Variants in MKX observed in about 807,000 individuals in gnomAD.
MKX encodes mohawk homeobox.
In MKX, 13 loss-of-function variants were observed where a neutral mutation model predicts 36.0. The observed-to-expected ratio is 0.36, with a 90% CI of 0.24 to 0.57. The LOEUF is 0.57. MKX is among the 20% of genes least tolerant of loss of function. The pLI, the probability that MKX is intolerant of heterozygous loss-of-function variation, is 0.79. For synonymous variants in MKX, 176 were observed against 178.3 expected (o/e 0.99, Z 0.10); for missense variants, 458 against 456.4 (o/e 1.00, Z -0.03).
chr10:27,725,702 C>A (rs1834473373), intron 5 of MKX, among the ~76,000 whole-genome samples: 1 of 151,274 alleles, frequency 6.6e-6, no homozygotes, highest in Non-Finnish European at 1.5e-5. Flanking sequence ...AGAAAAGAAA[C>A]CACTTCCATA....
chr10:27,739,682 A>T (rs941222898), intron 3 of MKX, among the ~76,000 whole-genome samples: 2 of 152,282 alleles, frequency 1.3e-5, no homozygotes, highest in East Asian at 1.9e-4. Context: ...TTCATAATTT[A>T]AAAATGTCCT....
intron 5 of MKX, among the ~76,000 whole-genome samples, chr10:27,727,068 C>T (rs935354796): frequency 1.3e-5 from 2 of 152,248 alleles, no homozygotes; most frequent in South Asian, 2.1e-4. Context: ...GACTGCATTT[C>T]GGAAAACAAT....
chr10:27,726,385 C>T (rs1276206871), intron 5 of MKX, among the ~76,000 whole-genome samples: 2 of 152,086 alleles, frequency 1.3e-5, no homozygotes, highest in African/African-American at 4.8e-5. Flanking sequence ...GGTGGCATGC[C>T]GCAGGGTTTA....
At chr10:27,680,088 T>C (rs1836226034) in intron 5 of MKX, among the ~76,000 whole-genome samples, 1 of 151,902 alleles carries the variant, frequency 6.6e-6, no homozygotes, top group Non-Finnish European at 1.5e-5. Flanking sequence ...AGAGGGAAAA[T>C]GCAAGTTGGA....
At chr10:27,701,203 A>G (rs1836645075) in intron 5 of MKX, among the ~76,000 whole-genome samples, 4 of 152,146 alleles carry the variant, frequency 2.6e-5, no homozygotes, top group Admixed American at 2.0e-4. Flanking sequence ...GTAAGTGATG[A>G]CACTGCTACT....
chr10:27,733,949 C>T (rs1298824804), intron 5 of MKX, among the ~76,000 whole-genome samples: 1 of 152,192 alleles, frequency 6.6e-6, no homozygotes, highest in African/African-American at 2.4e-5. Context: ...AAAAGCTTGA[C>T]ACCCTATTAA....
At chr10:27,700,911 CCTGTT>C (rs1836639475) in intron 5 of MKX, among the ~76,000 whole-genome samples, 1 of 152,040 alleles carries the variant, frequency 6.6e-6, no homozygotes, top group Non-Finnish European at 1.5e-5. Flanking sequence ...TTCCCTGACT[CCTGTT>C]CTGTAATTTT....
At chr10:27,711,465 TTCTTTCTTTCTTTCTTTC>T (rs1836857814) in intron 5 of MKX, among the ~76,000 whole-genome samples, 5 of 8,682 alleles carry the variant, frequency 5.8e-4, no homozygotes, top group South Asian at 0.016. Context: ...CTTTCTTTCT[TTCTTTCTTTCTTTCTTTC>T]TCTCTCTCTC....
chr10:27,698,094 C>T (rs889555385), intron 5 of MKX, among the ~76,000 whole-genome samples: 1 of 152,074 alleles, frequency 6.6e-6, no homozygotes, highest in African/African-American at 2.4e-5. Flanking sequence ...GAGGGATGAG[C>T]TGTATGAAAG....
At chr10:27,714,102 A>G (rs1836921476) in intron 5 of MKX, among the ~76,000 whole-genome samples, 2 of 151,836 alleles carry the variant, frequency 1.3e-5, no homozygotes, top group Non-Finnish European at 1.5e-5. Flanking sequence ...TAAGTCATTC[A>G]TGAGTGGAGC....
chr10:27,711,499 T>TCCCTTCCTTCCTTCCTTCC (rs1554772224), intron 5 of MKX, among the ~76,000 whole-genome samples: 2 of 93,076 alleles, frequency 2.1e-5, no homozygotes, highest in African/African-American at 1.0e-4. Flanking sequence ...CTCTCTCTTC[T>TCCCTTCCTTCCTTCCTTCC]TTCCTTCCTT....
In MKX at chr10:27,684,169, G is replaced by A. The variant is rs1836302016; in HGVS notation, c.839-8615C>T. Among the ~76,000 whole-genome samples, 4 of 152,104 alleles carry A rather than the reference G, an allele frequency of 2.6e-5. No individual in the cohort carries two copies. In the South Asian group the frequency reaches 8.3e-4, roughly 32 times the overall value. ...TGTCTATTAAAAATTTTGAAAATTA[G>A]CCAGGCATGGTGGTGTGTGCCTGTA... is the stretch of plus-strand genomic sequence containing the variant. On this transcript the variant is annotated intron_variant, in intron 5 of 6. Transcript: ENST00000419761.
In MKX at chr10:27,675,265, T is replaced by C. The variant is rs780013142; in HGVS notation, c.1023A>G (p.Val341=). The C allele has an allele frequency of 1.5e-5, 25 of 1,614,016 alleles. No homozygotes were observed. The highest frequency in any genetic ancestry group is 1.0e-5 in the Non-Finnish European group (12 of 1,180,024). Residue 341 remains valine, a synonymous_variant, in exon 7 of 7, where the codon GTA becomes GTG. Transcript: ENST00000419761. ...GCACCAGCGGCACTTTGACAGTCTT[T>C]ACTTCTGCTATATGGGACGACTTCT... ...IIQKSSHIAE[V]KTVKVPLVQQ... is the part of the protein sequence containing the mutation.
At chr10:27,716,747 G>A (rs1273663475) in intron 5 of MKX, among the ~76,000 whole-genome samples, 5 of 152,108 alleles carry the variant, frequency 3.3e-5, no homozygotes, top group East Asian at 3.9e-4. Context: ...GTGGTTGTAC[G>A]GGCCAAACCT....
At chr10:27,715,565 G>A (rs961261208) in intron 5 of MKX, among the ~76,000 whole-genome samples, 2 of 152,160 alleles carry the variant, frequency 1.3e-5, no homozygotes, top group African/African-American at 2.4e-5. Flanking sequence ...CAGAGATTTA[G>A]AAATTCTGCC....
intron 3 of MKX, among the ~76,000 whole-genome samples, chr10:27,735,963 T>C (rs940045851): frequency 1.3e-5 from 2 of 152,288 alleles, no homozygotes. Flanking sequence ...GTAGTGCATT[T>C]GGGGAAGGAG....
intron 3 of MKX, among the ~76,000 whole-genome samples, chr10:27,737,029 G>A (rs1027220370): frequency 6.6e-6 from 1 of 152,088 alleles, no homozygotes; most frequent in African/African-American, 2.4e-5. Context: ...CTTTAGCCAT[G>A]GTGTTAAGTC....
chr10:27,678,304 G>T (rs1836191317), intron 5 of MKX, among the ~76,000 whole-genome samples: 1 of 152,200 alleles, frequency 6.6e-6, no homozygotes, highest in Non-Finnish European at 1.5e-5. Context: ...AAAAAAAAAT[G>T]AGTTAGGCCT....
chr10:27,729,396 C>T (rs561942321), intron 5 of MKX, among the ~76,000 whole-genome samples: 1 of 151,738 alleles, frequency 6.6e-6, no homozygotes, highest in South Asian at 2.1e-4. Flanking sequence ...CCACCACCTC[C>T]CAGGTTCAAG....
Sources: allele counts gnomAD v4.1 joint callset (sites outside exome capture counted in the v4.1 genomes callset), GRCh38; gene constraint gnomAD v4.1.1; transcripts MANE v1.5; gene names NCBI Gene and HGNC (gene_info 2026-07-23, HGNC 2026-07-21).